The following RXRA variants were observed in gnomAD, a reference collection of about 807,000 sequenced individuals.
RXRA encodes the protein retinoic acid receptor RXR-alpha.
A neutral mutation model predicts 44.5 loss-of-function variants in RXRA; 5 were observed. The ratio of observed to expected loss-of-function variants is 0.11; its 90% CI spans 0.06 to 0.24. RXRA has a LOEUF of 0.24. RXRA is among the 10% of genes least tolerant of loss of function. RXRA has a pLI of 1.00. For missense variants in RXRA, 412 were observed against 646.5 expected (o/e 0.64, Z 3.93); for synonymous variants, 291 against 271.4 (o/e 1.07, Z -0.71).
intron 6 of RXRA, chr9:134,424,341 G>A (rs1823752584): frequency 1.0e-6 from 1 of 985,272 alleles, no homozygotes; most frequent in South Asian, 4.7e-5. Flanking sequence ...CTCCTGCCCA[G>A]CGGCTCTTTC....
chr9:134,347,936 G>A (rs1443465659), intron 1 of RXRA, among the ~76,000 whole-genome samples: 2 of 152,124 alleles, frequency 1.3e-5, no homozygotes, highest in Non-Finnish European at 2.9e-5. Flanking sequence ...TGCCGGTGAG[G>A]ATGGACCCCA....
intron 1 of RXRA, among the ~76,000 whole-genome samples, chr9:134,356,425 A>T (rs924410506): frequency 1.3e-5 from 2 of 151,476 alleles, no homozygotes; most frequent in African/African-American, 2.4e-5. Flanking sequence ...TGGGGATTGC[A>T]TGCTGGCCGG....
chr9:134,336,917 G>A (rs1319751295), intron 1 of RXRA, among the ~76,000 whole-genome samples: 1 of 152,208 alleles, frequency 6.6e-6, no homozygotes, highest in Non-Finnish European at 1.5e-5. Context: ...TGTCTAGCTC[G>A]GTGTCGGTTT....
At chr9:134,380,298 G>C (rs547757414) in intron 1 of RXRA, 1 of 671,446 alleles carries the variant, frequency 1.5e-6, no homozygotes, top group Admixed American at 6.3e-5. Flanking sequence ...TGGCCTGCCC[G>C]TGGCTTGGCC....
intron 1 of RXRA, among the ~76,000 whole-genome samples, chr9:134,361,333 C>T (rs879438456): frequency 6.6e-6 from 1 of 152,154 alleles, no homozygotes; most frequent in African/African-American, 2.4e-5. Flanking sequence ...CCCAGGCCCT[C>T]CCCTGAGCCC....
chr9:134,383,780 C>T (rs1483417614), intron 1 of RXRA, among the ~76,000 whole-genome samples: 1 of 152,166 alleles, frequency 6.6e-6, no homozygotes, highest in Non-Finnish European at 1.5e-5. Context: ...GTGATCCTCA[C>T]TCCAGGCAGA....
rs912713849 is a variant in RXRA at position 134,438,090 on chromosome 9, A to T, written c.*1476A>T. On this transcript the variant is annotated 3_prime_UTR_variant, in exon 10 of 10. Transcript: ENST00000481739. ...TTTGGCCTGAGTACTTTTCCCGTTC[A>T]CGCCTCAGTCCCGTGGACCCAGCCT... is the stretch of plus-strand genomic sequence containing the variant. 1 of 152,408 alleles carries T rather than the reference A, an allele frequency of 6.6e-6. No individual in the cohort carries two copies. The highest frequency in any genetic ancestry group is 6.5e-5 in the Admixed American group (1 of 15,272). 9.4% of individuals were successfully genotyped at this position (152,408 alleles called of 1,614,324 possible).
At chr9:134,370,582 G>C (rs1306914011) in intron 1 of RXRA, among the ~76,000 whole-genome samples, 1 of 152,246 alleles carries the variant, frequency 6.6e-6, no homozygotes, top group Non-Finnish European at 1.5e-5. Context: ...GGGCAGCCTG[G>C]TCATGCCAGG....
intron 5 of RXRA, among the ~76,000 whole-genome samples, chr9:134,418,437 T>C (rs986748338): frequency 2.0e-5 from 3 of 152,154 alleles, no homozygotes; most frequent in African/African-American, 7.2e-5. Flanking sequence ...CCGAAGACCT[T>C]ATACAGGCCG....
chr9:134,351,788 A>G (rs1041403051), intron 1 of RXRA, among the ~76,000 whole-genome samples: 15 of 152,248 alleles, frequency 9.9e-5, no homozygotes, highest in South Asian at 2.1e-4. Context: ...CGCGAGGTGA[A>G]TGACATGGAG....
chr9:134,412,724 G>A (rs112990038), intron 4 of RXRA, among the ~76,000 whole-genome samples: 3 of 152,266 alleles, frequency 2.0e-5, no homozygotes, highest in Admixed American at 6.5e-5. Flanking sequence ...GGGGTTGGGG[G>A]TCCCGCAGGG....
At chr9:134,385,944 C>T (rs1830713653) in intron 1 of RXRA, among the ~76,000 whole-genome samples, 1 of 152,252 alleles carries the variant, frequency 6.6e-6, no homozygotes, top group Non-Finnish European at 1.5e-5. Flanking sequence ...CCATCTGCGG[C>T]ACCAGCTGCG....
At chr9:134,383,948 A>G (rs1830681919) in intron 1 of RXRA, among the ~76,000 whole-genome samples, 1 of 151,924 alleles carries the variant, frequency 6.6e-6, no homozygotes, top group African/African-American at 2.4e-5. Flanking sequence ...TCTTGATGAA[A>G]CCAGGCCTCG....
chr9:134,332,721 A>G (rs782782645), intron 1 of RXRA, among the ~76,000 whole-genome samples: 17 of 152,230 alleles, frequency 1.1e-4, no homozygotes, highest in South Asian at 8.3e-4. Flanking sequence ...TGTGGTGCTC[A>G]TGGCTGGAAT....
intron 1 of RXRA, among the ~76,000 whole-genome samples, chr9:134,367,982 G>A (rs961896441): frequency 6.6e-6 from 1 of 152,254 alleles, no homozygotes; most frequent in Non-Finnish European, 1.5e-5. Flanking sequence ...CCGATAAGCC[G>A]CTCCCTGCCT....
chr9:134,379,770 A>T (rs1830614008), intron 1 of RXRA: 1 of 984,736 alleles, frequency 1.0e-6, no homozygotes, highest in Non-Finnish European at 1.2e-6. Context: ...GTCTGTAGGG[A>T]CCTGGGCCCA....
At chr9:134,436,048 G>A (rs1222261152) in intron 9 of RXRA, among the ~76,000 whole-genome samples, 2 of 152,190 alleles carry the variant, frequency 1.3e-5, no homozygotes, top group African/African-American at 2.4e-5. Flanking sequence ...GTCTCACTGC[G>A]TTGCCCAGGC....
At chr9:134,335,119 C>A (rs534531005) in intron 1 of RXRA, among the ~76,000 whole-genome samples, 3 of 152,288 alleles carry the variant, frequency 2.0e-5, no homozygotes, top group Admixed American at 2.0e-4. Context: ...CAGGCCTCCA[C>A]CTAGTGTCAT....
chr9:134,394,913 G>A (rs1830856222), intron 1 of RXRA, among the ~76,000 whole-genome samples: 1 of 152,178 alleles, frequency 6.6e-6, no homozygotes, highest in Non-Finnish European at 1.5e-5. Context: ...GAGCGGATAG[G>A]GAGTCAAGAC....
Sources: gnomAD v4.1 joint callset for allele counts (sites outside exome capture counted in the v4.1 genomes callset) on GRCh38, gnomAD v4.1.1 for gene constraint, MANE v1.5 for transcripts, NCBI Gene and HGNC (gene_info 2026-07-23, HGNC 2026-07-21) for gene names.